Variants in TNC observed in about 807,000 individuals in gnomAD.
TNC encodes the protein tenascin.
TNC carries 109 observed loss-of-function variants against 202.4 expected under a neutral mutation model. The observed-to-expected ratio is 0.54, with a 90% CI of 0.46 to 0.63. The LOEUF (loss-of-function observed/expected upper bound fraction) is 0.63. Among genes scored for constraint, TNC ranks in the 30% least tolerant of loss-of-function variants. TNC has a pLI of 0.00. For synonymous variants in TNC, 1,007 were observed against 1,089.7 expected (o/e 0.92, Z 1.50); for missense variants, 2,756 against 2,833.3 (o/e 0.97, Z 0.62).
chr9:115,064,097 G>T, intron 11 of TNC, 29 bp from the exon 12 acceptor site: 1 of 1,562,066 alleles, frequency 6.4e-7, no homozygotes, highest in South Asian at 1.2e-5. Context: ...CTAGTTTAGT[G>T]ATCAAATCAC....
intron 1 of TNC, among the ~76,000 whole-genome samples, chr9:115,108,497 C>T (rs1266304491): frequency 6.6e-6 from 1 of 152,194 alleles, no homozygotes; most frequent in African/African-American, 2.4e-5. Context: ...CACAATGGCA[C>T]ATTCACCTCT....
chr9:115,093,286 C>T (rs1448601490), intron 1 of TNC, among the ~76,000 whole-genome samples: 7 of 152,088 alleles, frequency 4.6e-5, no homozygotes, highest in Admixed American at 4.6e-4. Context: ...CCAACTGTCC[C>T]TGTAATATCT....
Position 115,087,256 on chromosome 9 carries a change from G to T in TNC, c.475C>A (p.Pro159Thr). 1 of 1,612,372 alleles carries T rather than the reference G, an allele frequency of 6.2e-7. No individual in the cohort carries two copies. Among genetic ancestry groups the T allele is most frequent in the Non-Finnish European group, 8.5e-7 (1 of 1,178,532 alleles). ...AAGTTGCCCCGACCGCTACAGAAGG[G>T]CCTGGTGTCCAAGCGGCCTGCAACA... The part of the protein sequence containing the change: ...QPATGRLDTR[P>T]FCSGRGNFST... The change falls in exon 3 of 28, where the codon CCC becomes ACC. Residue 159 changes from proline (P) to threonine (T), a missense_variant. By Grantham distance (38) the Pro-to-Thr change is conservative (BLOSUM62 -1). Transcript: ENST00000350763.
chr9:115,048,575 T>C (rs1376159435), intron 15 of TNC, 43 bp from the exon 16 acceptor site: 1 of 1,577,590 alleles, frequency 6.3e-7, no homozygotes, highest in Non-Finnish European at 8.6e-7. Flanking sequence ...TTAGCAGCAC[T>C]GACTCTGTCA....
At position 115,086,012 on chromosome 9, in the gene TNC, G is replaced by A. The variant is rs141544394; in HGVS notation, c.1719C>T (p.Cys573=). The change falls in exon 3 of 28, where the codon TGC becomes TGT. Residue 573 remains cysteine (C), a synonymous_variant. Coordinates refer to ENST00000350763, the MANE Select transcript of TNC (RefSeq NM_002160.4). ...CPSDCHGQGR[C]VDGQCICHEG... is the part of the protein sequence containing the mutation. ...CGTGGCAGATGCACTGGCCGTCCAC[G>A]CAGCGGCCCTGGCCATGACAGTCAC... The A allele has an allele frequency of 5.9e-4, 949 of 1,613,844 alleles. 3 individuals are homozygous for A. The African/African-American group carries it at 0.011, about 18-fold the overall frequency.
chr9:115,077,322 C>T (rs1397062175), intron 7 of TNC, among the ~76,000 whole-genome samples: 2 of 152,206 alleles, frequency 1.3e-5, no homozygotes, highest in Non-Finnish European at 2.9e-5. Flanking sequence ...TCCCAAAGTG[C>T]TGGGATTACA....
Position 115,086,005 on chromosome 9 carries a change from C to A in TNC, c.1726G>T (p.Gly576Cys). The A allele has an allele frequency of 6.2e-7, 1 of 1,613,920 alleles. No individual in the cohort carries two copies. Among genetic ancestry groups the A allele is most frequent in the South Asian group, 1.1e-5 (1 of 91,034 alleles). The change falls in exon 3 of 28, where the codon GGC becomes TGC. Residue 576 changes from glycine (G) to cysteine (C), a missense_variant. Around this residue, in one of 2 missense-constraint regions of TNC, gnomAD observed 2,559 missense variants for 2,546.0 expected, o/e 1.01. Coordinates refer to ENST00000350763, the MANE Select transcript of TNC (RefSeq NM_002160.4). ...AAGCCCTCGTGGCAGATGCACTGGC[C>A]GTCCACGCAGCGGCCCTGGCCATGA... is the stretch of plus-strand genomic sequence containing the variant. ...DCHGQGRCVD[G>C]QCICHEGFTG...
intron 1 of TNC, among the ~76,000 whole-genome samples, chr9:115,097,628 G>A (rs1835897881): frequency 6.6e-6 from 1 of 152,180 alleles, no homozygotes; most frequent in Non-Finnish European, 1.5e-5. Flanking sequence ...TCAAATTGAA[G>A]CCTACAGCAC....
chr9:115,095,558 ATATATATGTATATATATG>A (rs1835653674), intron 1 of TNC, among the ~76,000 whole-genome samples: 2 of 2,018 alleles, frequency 9.9e-4, no homozygotes, highest in South Asian at 0.022. Flanking sequence ...ATATATATGT[ATATATATGTATATATATG>A]TATATATATG....
In TNC at chr9:115,021,145, G is replaced by T. The variant is rs1043753845; in HGVS notation, c.*12C>A. 1 of 1,604,662 alleles carries T rather than the reference G, an allele frequency of 6.2e-7. No individual in the cohort carries two copies. The highest frequency in any genetic ancestry group is 1.7e-5 in the Admixed American group (1 of 59,882). On this transcript the variant is annotated 3_prime_UTR_variant, in exon 28 of 28. Transcript: ENST00000350763. The stretch of plus-strand genomic sequence containing the variant: ...GGGCCTTATTCCTCTCTCACCCAGT[G>T]GTCCCTGGAATTTATGCCCGTTTGC...
chr9:115,076,345 C>T (rs2274835), intron 8 of TNC, 45 bp downstream of exon 8: 2 of 1,602,432 alleles, frequency 1.2e-6, no homozygotes, highest in Admixed American at 3.4e-5. Flanking sequence ...CTTTAAGGGC[C>T]CTCTAGGGCT....
rs776496031 is a variant in TNC at position 115,094,814 on chromosome 9, CCTCTGT to C, written c.-136-3666_-136-3661del. Reference sequence around the variant, plus strand: ...GTAGCCCCTAAGGACAGAACAAGTGCCTCTGTGTGTGTGTGTGTGTGTGTGTGTGTG... The same window carrying C: ...GTAGCCCCTAAGGACAGAACAAGTGCGTGTGTGTGTGTGTGTGTGTGTGTG... On this transcript the variant is annotated intron_variant, in intron 1 of 27. Transcript: ENST00000350763. Among the ~76,000 whole-genome samples the C allele has an allele frequency of 1.0e-3, 70 of 66,750 alleles. 1 individual carries two copies. Among genetic ancestry groups the C allele is most frequent in the African/African-American group, 2.3e-3 (43 of 18,586 alleles). 43.8% of individuals were successfully genotyped at this position (66,750 alleles called of 152,430 possible). A position where few individuals can be genotyped will look rare whatever the true frequency, so the allele number is the denominator to read the frequency against.
chr9:115,024,978 C>A (rs1345833808), intron 26 of TNC, among the ~76,000 whole-genome samples: 1 of 152,094 alleles, frequency 6.6e-6, no homozygotes, highest in Non-Finnish European at 1.5e-5. Flanking sequence ...ACCCAGATAC[C>A]TTTTTAACTG....
chr9:115,060,790 G>T (rs1187327362), intron 13 of TNC, among the ~76,000 whole-genome samples: 1 of 152,130 alleles, frequency 6.6e-6, no homozygotes, highest in African/African-American at 2.4e-5. Context: ...ATCAAAAGTT[G>T]TGTACTGGGT....
At chr9:115,066,113 T>G (rs897694066) in intron 10 of TNC, among the ~76,000 whole-genome samples, 2 of 152,048 alleles carry the variant, frequency 1.3e-5, no homozygotes, top group African/African-American at 4.8e-5. Flanking sequence ...AACTGTTCCT[T>G]AATAGAAAAA....
chr9:115,027,041 A>T (rs920920205), intron 25 of TNC, among the ~76,000 whole-genome samples: 6 of 151,814 alleles, frequency 4.0e-5, no homozygotes, highest in African/African-American at 1.2e-4. Context: ...CCCGAGAGGC[A>T]GAAGTTGCAG....
In TNC at chr9:115,036,098, C is replaced by G. The variant is rs1422850332; in HGVS notation, c.5656G>C (p.Asp1886His). 2 of 1,614,020 alleles carry G rather than the reference C, an allele frequency of 1.2e-6. No homozygotes were observed. The highest frequency in any genetic ancestry group is 1.1e-5 in the South Asian group (1 of 91,080). Residue 1886 changes from aspartate (D) to histidine (H), a missense_variant and splice_region_variant, in exon 21 of 28, where the codon GAC becomes CAC. This residue lies in a region of TNC where 2,559 missense variants were observed against 2,546.0 expected (regional missense o/e 1.01). Transcript: ENST00000350763. ...CTTCCAGCTCTCAGTGTCTTTGTAC[C>G]TGTTGTGAACTTGGCAGTGATGGTT... The part of the protein sequence containing the change: ...SSTITAKFTT[D>H]LDSPRDLTAT...
At chr9:115,021,316 G>A in intron 27 of TNC, 49 bp from the exon 28 acceptor site, 1 of 1,434,104 alleles carries the variant, frequency 7.0e-7, no homozygotes, top group South Asian at 1.2e-5. Context: ...AAGGCCTCCA[G>A]GTTGGTTACT....
chr9:115,036,491 G>A (rs1003427141), intron 20 of TNC, among the ~76,000 whole-genome samples: 1 of 152,162 alleles, frequency 6.6e-6, no homozygotes, highest in Non-Finnish European at 1.5e-5. Context: ...GGAACTGGGG[G>A]TCAGGAGATT....
Sources: gnomAD v4.1 joint callset for allele counts (sites outside exome capture counted in the v4.1 genomes callset) on GRCh38, gnomAD v4.1.1 for gene constraint, gnomAD v4.1.1 regional missense constraint, MANE v1.5 for transcripts, NCBI Gene and HGNC (gene_info 2026-07-23, HGNC 2026-07-21) for gene names.